The following FAM107B variants were observed in gnomAD, a reference collection of about 807,000 sequenced individuals.
The protein encoded by FAM107B is protein FAM107B.
In FAM107B, 21 loss-of-function variants were observed where a neutral mutation model predicts 31.5. The ratio of observed to expected loss-of-function variants is 0.67; its 90% CI spans 0.47 to 0.96. The LOEUF (loss-of-function observed/expected upper bound fraction) is 0.96, where lower values mean the gene tolerates loss of function less well. Ranked by LOEUF, FAM107B falls within the 40% of genes least tolerant of loss-of-function variation. FAM107B has a pLI of 0.00. For synonymous variants in FAM107B, 157 were observed against 141.5 expected (o/e 1.11, Z -0.78); for missense variants, 452 against 377.1 (o/e 1.20, Z -1.64).
intron 1 of FAM107B, among the ~76,000 whole-genome samples, chr10:14,727,373 G>T (rs537746570): frequency 1.3e-5 from 2 of 152,282 alleles, no homozygotes; most frequent in South Asian, 4.1e-4. Context: ...TCATCACACT[G>T]CCTGAGCCAC....
At chr10:14,773,806 C>A (rs988880756) in intron 1 of FAM107B, among the ~76,000 whole-genome samples, 1 of 152,124 alleles carries the variant, frequency 6.6e-6, no homozygotes, top group African/African-American at 2.4e-5. Context: ...GCTTTGATAT[C>A]ATGTGATTCA....
intron 1 of FAM107B, among the ~76,000 whole-genome samples, chr10:14,751,465 G>A (rs75349717): frequency 6.6e-6 from 1 of 152,046 alleles, no homozygotes; most frequent in African/African-American, 2.4e-5. Flanking sequence ...AGAGCTCCCA[G>A]GGAAGACAAG....
At chr10:14,641,201 C>T (rs1168246104) in intron 2 of FAM107B, among the ~76,000 whole-genome samples, 3 of 152,214 alleles carry the variant, frequency 2.0e-5, no homozygotes, top group Non-Finnish European at 4.4e-5. Context: ...GATAACCAAG[C>T]TGGAAATTTC....
chr10:14,764,008 G>C (rs1833112022), intron 1 of FAM107B, among the ~76,000 whole-genome samples: 1 of 152,176 alleles, frequency 6.6e-6, no homozygotes, highest in Admixed American at 6.5e-5. Context: ...ATTCCTGGTG[G>C]CCTGCAACTT....
At chr10:14,677,854 CT>C (rs1366293990) in intron 1 of FAM107B, among the ~76,000 whole-genome samples, 1 of 152,164 alleles carries the variant, frequency 6.6e-6, no homozygotes, top group African/African-American at 2.4e-5. Flanking sequence ...TCAACAAGCT[CT>C]TTGGATGTTT....
chr10:14,723,755 C>T (rs1855967443), intron 1 of FAM107B: 2 of 757,816 alleles, frequency 2.6e-6, no homozygotes, highest in African/African-American at 1.7e-5. Context: ...GTGAAGTGGC[C>T]AGCAATTAGA....
At chr10:14,752,615 G>A (rs890031644) in intron 1 of FAM107B, among the ~76,000 whole-genome samples, 2 of 152,102 alleles carry the variant, frequency 1.3e-5, no homozygotes, top group Non-Finnish European at 2.9e-5. Context: ...ATCTGTTGGC[G>A]ACTATAAGAT....
At position 14,518,718 on chromosome 10, in the gene FAM107B, T is replaced by C. The variant is rs900152615; in HGVS notation, c.*2472A>G. The C allele has an allele frequency of 6.6e-6, 1 of 152,638 alleles. No homozygotes were observed. Among genetic ancestry groups the C allele is most frequent in the Non-Finnish European group, 1.5e-5 (1 of 68,044 alleles). 9.5% of individuals were successfully genotyped at this position (152,638 alleles called of 1,614,324 possible). A position where few individuals can be genotyped will look rare whatever the true frequency, so the allele number is the denominator to read the frequency against. ...AATCCATTAAGGCTCCCTTTATATA[T>C]ATTATATACACTCAAACAAGTCAAG... is the stretch of plus-strand genomic sequence containing the variant. On this transcript the variant is annotated 3_prime_UTR_variant, in exon 5 of 5. Coordinates refer to ENST00000181796, the MANE Select transcript of FAM107B (RefSeq NM_031453.4).
intron 2 of FAM107B, among the ~76,000 whole-genome samples, chr10:14,563,214 T>C (rs771769799): frequency 2.0e-5 from 3 of 152,228 alleles, no homozygotes; most frequent in Non-Finnish European, 4.4e-5. Context: ...GGAAACAGTT[T>C]AACAGACATT....
intron 1 of FAM107B, among the ~76,000 whole-genome samples, chr10:14,773,953 A>T (rs931482135): frequency 6.6e-6 from 1 of 152,062 alleles, no homozygotes; most frequent in Non-Finnish European, 1.5e-5. Context: ...AAACTATCTT[A>T]CTCCTAATCT....
At chr10:14,543,125 G>A (rs1392262708) in intron 2 of FAM107B, among the ~76,000 whole-genome samples, 3 of 152,094 alleles carry the variant, frequency 2.0e-5, no homozygotes, top group Non-Finnish European at 2.9e-5. Context: ...AAAGTAGCTT[G>A]ATGAAATCTG....
intron 2 of FAM107B, among the ~76,000 whole-genome samples, chr10:14,560,095 C>T (rs912097376): frequency 9.9e-5 from 15 of 152,164 alleles, no homozygotes; most frequent in African/African-American, 3.6e-4. Context: ...TGATCCAGAC[C>T]ATCAGAGAGT....
intron 1 of FAM107B, among the ~76,000 whole-genome samples, chr10:14,686,081 T>A (rs1339410118): frequency 6.6e-6 from 1 of 152,050 alleles, no homozygotes; most frequent in Non-Finnish European, 1.5e-5. Context: ...CACGTGGGGA[T>A]TATTACAATT....
chr10:14,643,924 G>T (rs1344011030), intron 2 of FAM107B, among the ~76,000 whole-genome samples: 1 of 152,092 alleles, frequency 6.6e-6, no homozygotes, highest in Admixed American at 6.6e-5. Flanking sequence ...CCTCAAGAAC[G>T]CAATTTCAAC....
chr10:14,602,915 T>C (rs1852446931), intron 2 of FAM107B: 1 of 152,052 alleles, frequency 6.6e-6, no homozygotes, highest in African/African-American at 2.4e-5. Flanking sequence ...GGCATACCAA[T>C]ATTGTAGAAT....
At chr10:14,522,576 C>T (rs948448602) in intron 3 of FAM107B, among the ~76,000 whole-genome samples, 6 of 151,916 alleles carry the variant, frequency 3.9e-5, no homozygotes, top group Non-Finnish European at 8.8e-5. Flanking sequence ...CCACCACGCC[C>T]GGCTAATTTT....
At position 14,774,601 on chromosome 10, in the gene FAM107B, T is replaced by C; in HGVS notation, c.63A>G (p.Pro21=). 5 of 1,614,126 alleles carry C rather than the reference T, an allele frequency of 3.1e-6. No individual in the cohort carries two copies. The highest frequency in any genetic ancestry group is 1.6e-4 in the Middle Eastern group (1 of 6,062). Residue 21 remains proline (P), a synonymous_variant, in exon 1 of 5, where the codon CCA becomes CCG. Coordinates refer to ENST00000181796, the MANE Select transcript of FAM107B (RefSeq NM_031453.4). ...RLKSPSRSMH[P]FPCSALLACF... is the part of the protein sequence containing the mutation. ...AGGCGAGCAGAGCTGAGCACGGAAATGGATGCATGCTTCTAGAGGGAGACT... is the reference window on the plus strand; with the variant it reads ...AGGCGAGCAGAGCTGAGCACGGAAACGGATGCATGCTTCTAGAGGGAGACT...
In FAM107B at chr10:14,521,123, T is replaced by C; in HGVS notation, c.*67A>G. ...AAATATTCTCCAGGGGCTTTTGCCC[T>C]GAGATTGAGAAGGCACCCACAGACA... is the stretch of plus-strand genomic sequence containing the variant. On this transcript the variant is annotated 3_prime_UTR_variant, in exon 5 of 5. Coordinates refer to ENST00000181796, the MANE Select transcript of FAM107B (RefSeq NM_031453.4). 8.0e-7 allele frequency: 1 copy of C among 1,250,764 alleles called. No individual in the cohort carries two copies. The highest frequency in any genetic ancestry group is 1.1e-6 in the Non-Finnish European group (1 of 876,494). 77.5% of individuals were successfully genotyped at this position (1,250,764 alleles called of 1,614,324 possible). A position where few individuals can be genotyped will look rare whatever the true frequency, so the allele number is the denominator to read the frequency against.
At chr10:14,526,392 T>C (rs902496862) in intron 3 of FAM107B, among the ~76,000 whole-genome samples, 3 of 152,204 alleles carry the variant, frequency 2.0e-5, no homozygotes, top group Non-Finnish European at 2.9e-5. Flanking sequence ...GCCAGGCTGC[T>C]CTCAAACTCC....
Sources: allele counts gnomAD v4.1 joint callset (sites outside exome capture counted in the v4.1 genomes callset), GRCh38; gene constraint gnomAD v4.1.1; transcripts MANE v1.5; gene names NCBI Gene and HGNC (gene_info 2026-07-23, HGNC 2026-07-21).